The following UPRT variants were observed in gnomAD, a reference collection of about 807,000 sequenced individuals.
The protein encoded by UPRT is uracil phosphoribosyltransferase homolog, also known as RP11-311P8.3.
Under a neutral mutation model 22.6 loss-of-function variants are expected in UPRT, and 5 were observed. The ratio of observed to expected loss-of-function variants is 0.22; its 90% confidence interval spans 0.12 to 0.47. UPRT has a LOEUF of 0.47. Ranked by LOEUF, UPRT falls within the 20% of genes least tolerant of loss-of-function variation. The pLI is 0.99. For synonymous variants in UPRT, 77 were observed against 87.7 expected (o/e 0.88, Z 0.68); for missense variants, 181 against 239.9 (o/e 0.75, Z 1.62).
chrX:75,205,778 G>A (rs1224109830), intron 4 of UPRT, among the ~76,000 whole-genome samples: 1 of 111,740 alleles, frequency 8.9e-6, no homozygotes, highest in Non-Finnish European at 1.9e-5. Context: ...AAGCATTTGC[G>A]TGCTGTCTTA....
upstream of UPRT, among the ~76,000 whole-genome samples, chrX:75,270,131 G>A (rs1044101469): frequency 1.4e-4 from 16 of 112,117 alleles, no homozygotes; most frequent in African/African-American, 5.2e-4. Context: ...AAACATTTAT[G>A]CAGCCAACGA....
At chrX:75,267,938 C>T (rs1489360766) in intron 4 of UPRT, among the ~76,000 whole-genome samples, 1 of 110,689 alleles carries the variant, frequency 9.0e-6, no homozygotes, top group East Asian at 2.8e-4. Context: ...GATAGAGACA[C>T]AAAAAACCCT....
Position 75,238,211 on chromosome X carries a change from C to G in UPRT, c.-446-52813C>G, listed in dbSNP as rs980226645. Among the ~76,000 whole-genome samples, 24 of 111,113 alleles carry G rather than the reference C, an allele frequency of 2.2e-4. No homozygotes were observed. In the Admixed American group the frequency reaches 2.3e-3, roughly 11 times the overall value. Reference sequence around the variant, plus strand: ...GCAGAGTGGATAAAAATCCACCAACCAAGTACCTGCTGTCTTCAACAGACT... The same window carrying G: ...GCAGAGTGGATAAAAATCCACCAACGAAGTACCTGCTGTCTTCAACAGACT... On this transcript the variant is annotated intron_variant, in intron 4 of 13. Coordinates refer to the UPRT transcript ENST00000652605.
In UPRT at chrX:75,158,249, A is replaced by G. The variant is rs767434230; in HGVS notation, c.-737+1699A>G. ...TTGCACACTGCTGGGGAAGAGCAGC[A>G]ACAAAAAGGCCAACTCAGCCTGTAA... On this transcript the variant is annotated intron_variant, in intron 1 of 13. Coordinates refer to the UPRT transcript ENST00000652605. Among the ~76,000 whole-genome samples the G allele has an allele frequency of 8.0e-5, 9 of 111,992 alleles. No individual in the cohort carries two copies. The South Asian group carries it at 3.3e-3, about 42-fold the overall frequency.
At chrX:75,259,725 A>T (rs2082561556) in intron 4 of UPRT, among the ~76,000 whole-genome samples, 1 of 111,252 alleles carries the variant, frequency 9.0e-6, no homozygotes, top group African/African-American at 3.3e-5. Context: ...ATAGCAAGAC[A>T]TGCCAACATT....
intron 4 of UPRT, among the ~76,000 whole-genome samples, chrX:75,230,792 C>T (rs1003726259): frequency 9.0e-6 from 1 of 111,543 alleles, no homozygotes; most frequent in Non-Finnish European, 1.9e-5. Flanking sequence ...TGCAGACATA[C>T]CCCATCACCA....
At chrX:75,173,402 A>T (rs1356196385) in intron 4 of UPRT, among the ~76,000 whole-genome samples, 1 of 111,252 alleles carries the variant, frequency 9.0e-6, no homozygotes, top group Non-Finnish European at 1.9e-5. Context: ...GAGCAGCTAG[A>T]TACAGAGTGT....
chrX:75,187,425 A>T (rs922501508), intron 4 of UPRT, among the ~76,000 whole-genome samples: 1 of 111,308 alleles, frequency 9.0e-6, no homozygotes, highest in Non-Finnish European at 1.9e-5. Flanking sequence ...TTTGAGGGTA[A>T]CCCGACATTT....
chrX:75,233,055 G>T (rs1478106855), intron 4 of UPRT, among the ~76,000 whole-genome samples: 1 of 111,627 alleles, frequency 9.0e-6, no homozygotes, highest in South Asian at 3.8e-4. Flanking sequence ...TAAGAAGAAT[G>T]TATAACTAGA....
chrX:75,251,372 C>T (rs370870966), intron 4 of UPRT, among the ~76,000 whole-genome samples: 7 of 111,631 alleles, frequency 6.3e-5, no homozygotes, highest in African/African-American at 1.3e-4. Flanking sequence ...AGTCTCAGGA[C>T]ACAAAATCAA....
chrX:75,243,460 C>T (rs1269045209), intron 4 of UPRT, among the ~76,000 whole-genome samples: 1 of 111,397 alleles, frequency 9.0e-6, no homozygotes, highest in Non-Finnish European at 1.9e-5. Context: ...CAAATATTTT[C>T]TGTAAATGAG....
intron 4 of UPRT, among the ~76,000 whole-genome samples, chrX:75,233,720 CAGACA>C (rs1341100098): frequency 1.8e-5 from 2 of 110,942 alleles, no homozygotes; most frequent in African/African-American, 6.6e-5. Context: ...AAATCCTTTA[CAGACA>C]AGCAAATGCT....
chrX:75,264,794 C>G (rs1304467003), intron 4 of UPRT, among the ~76,000 whole-genome samples: 1 of 111,733 alleles, frequency 8.9e-6, no homozygotes, highest in Non-Finnish European at 1.9e-5. Flanking sequence ...TCGATGGTCT[C>G]TACAGTTTGG....
chrX:75,176,594 C>T lies in UPRT; in HGVS notation c.-447+8715C>T, dbSNP rs150706474. On this transcript the variant is annotated intron_variant, in intron 4 of 13. Coordinates refer to the UPRT transcript ENST00000652605. ...CCCTACAGCTTGAAGGGGACATAAC[C>T]GATAGCCTGGGGTTTTTTGTGGACC... 9.0e-3 allele frequency among the ~76,000 whole-genome samples: 997 copies of T among 110,959 alleles called. 13 individuals carry two copies. Among genetic ancestry groups the T allele is most frequent in the African/African-American group, 0.03 (915 of 30,460 alleles).
intron 4 of UPRT, among the ~76,000 whole-genome samples, chrX:75,200,992 A>C: frequency 8.9e-6 from 1 of 112,218 alleles, no homozygotes; most frequent in Non-Finnish European, 1.9e-5. Context: ...TATAGATTTA[A>C]GTCCAAATAT....
At chrX:75,234,734 C>A (rs1413086105) in intron 4 of UPRT, among the ~76,000 whole-genome samples, 2 of 110,738 alleles carry the variant, frequency 1.8e-5, no homozygotes, top group African/African-American at 6.6e-5. Context: ...TTCTTTGAAA[C>A]CAACGAGAAC....
At chrX:75,204,512 GA>G (rs1310542578) in intron 4 of UPRT, among the ~76,000 whole-genome samples, 1 of 112,316 alleles carries the variant, frequency 8.9e-6, no homozygotes, top group African/African-American at 3.2e-5. Context: ...TTGAATCCTG[GA>G]CAAACTTTTT....
At chrX:75,216,494 G>A (rs1251380081) in intron 4 of UPRT, among the ~76,000 whole-genome samples, 10 of 112,495 alleles carry the variant, frequency 8.9e-5, no homozygotes, top group Non-Finnish European at 5.6e-5. Flanking sequence ...CTCGTGGGTT[G>A]TGGTGCTGGT....
At chrX:75,240,057 C>T (rs1009789223) in intron 4 of UPRT, among the ~76,000 whole-genome samples, 1 of 111,265 alleles carries the variant, frequency 9.0e-6, no homozygotes, top group Non-Finnish European at 1.9e-5. Context: ...TGCCTACTTT[C>T]ACCACTTCTA....
Sources: allele counts gnomAD v4.1 joint callset (sites outside exome capture counted in the v4.1 genomes callset), GRCh38; gene constraint gnomAD v4.1.1; transcripts MANE v1.5; gene names NCBI Gene and HGNC (gene_info 2026-07-23, HGNC 2026-07-21).